CCDC178: variants seen among roughly 807,000 people sequenced by gnomAD.
CCDC178 encodes coiled-coil domain containing 178.
A neutral mutation model predicts 117.4 loss-of-function variants in CCDC178; 126 were observed. The ratio of observed to expected loss-of-function variants is 1.07; its 90% CI spans 0.93 to 1.24. The LOEUF is 1.24. Among genes scored for constraint, CCDC178 ranks in the 50% most tolerant of loss-of-function variants. CCDC178 has a pLI of 0.00. For missense variants in CCDC178, 1,030 were observed against 986.9 expected (o/e 1.04, Z -0.59); for synonymous variants, 283 against 313.4 (o/e 0.90, Z 1.02).
chr18:33,342,710 C>T (rs762936711), intron 9 of CCDC178, among the ~76,000 whole-genome samples: 7 of 152,152 alleles, frequency 4.6e-5, no homozygotes, highest in Admixed American at 6.5e-5. Context: ...ATTGGATCTG[C>T]GGCCTGAAGA....
intron 20 of CCDC178, among the ~76,000 whole-genome samples, chr18:33,132,113 TC>T (rs1347722265): frequency 1.3e-5 from 2 of 151,706 alleles, no homozygotes; most frequent in Non-Finnish European, 3.0e-5. Context: ...GTGTAAATGG[TC>T]TTTAATGGCT....
chr18:33,066,320 A>C (rs2057015899), intron 21 of CCDC178, among the ~76,000 whole-genome samples: 1 of 152,190 alleles, frequency 6.6e-6, no homozygotes, highest in African/African-American at 2.4e-5. Context: ...GGAAAGTATA[A>C]AACTCACTAC....
chr18:33,050,131 ATTAT>A (rs1352905738), intron 21 of CCDC178, among the ~76,000 whole-genome samples: 1 of 152,168 alleles, frequency 6.6e-6, no homozygotes, highest in Non-Finnish European at 1.5e-5. Flanking sequence ...CTAAGATCAC[ATTAT>A]TTATTTGTTT....
chr18:33,045,904 A>T (rs1371596607), intron 21 of CCDC178, among the ~76,000 whole-genome samples: 1 of 152,052 alleles, frequency 6.6e-6, no homozygotes, highest in African/African-American at 2.4e-5. Flanking sequence ...CTGTCTCTAA[A>T]AAAAACAAAA....
At chr18:33,080,001 A>C (rs141502305) in intron 21 of CCDC178, among the ~76,000 whole-genome samples, 3 of 152,218 alleles carry the variant, frequency 2.0e-5, no homozygotes, top group African/African-American at 7.2e-5. Flanking sequence ...CACTCTTCAC[A>C]ATAGCAAAGA....
rs149354696 is a variant in CCDC178, at chr18:33,036,538, A to C, written c.2388+56223T>G. ...AAAATGGTATTTGCACTGAGCCTCAAAGGATGACTAGGAGTATAGAAATCT... is the reference window on the plus strand; with the variant it reads ...AAAATGGTATTTGCACTGAGCCTCACAGGATGACTAGGAGTATAGAAATCT... On this transcript the variant is annotated intron_variant, in intron 21 of 22. Coordinates refer to ENST00000383096, the MANE Select transcript of CCDC178 (RefSeq NM_001105528.4). Among the ~76,000 whole-genome samples the C allele has an allele frequency of 2.8e-3, 425 of 152,014 alleles. 2 individuals carry two copies. The highest frequency in any genetic ancestry group is 9.7e-3 in the African/African-American group (402 of 41,522).
chr18:33,175,651 T>C (rs1008183418), intron 20 of CCDC178, among the ~76,000 whole-genome samples: 3 of 152,212 alleles, frequency 2.0e-5, no homozygotes, highest in African/African-American at 7.2e-5. Context: ...CTTGACTACC[T>C]ACAGTGATTA....
chr18:33,349,512 G>T (rs1252811624), intron 7 of CCDC178, among the ~76,000 whole-genome samples: 3 of 151,912 alleles, frequency 2.0e-5, no homozygotes, highest in Non-Finnish European at 4.4e-5. Flanking sequence ...GTAGTGTCTT[G>T]AGAGGTGACT....
chr18:33,215,015 G>T (rs1174439887), intron 19 of CCDC178, among the ~76,000 whole-genome samples: 8 of 151,862 alleles, frequency 5.3e-5, no homozygotes, highest in African/African-American at 1.9e-4. Context: ...TTAGGTTAGG[G>T]TCTATGGATA....
intron 6 of CCDC178, among the ~76,000 whole-genome samples, chr18:33,366,989 A>C (rs2063217060): frequency 6.6e-6 from 1 of 152,126 alleles, no homozygotes; most frequent in African/African-American, 2.4e-5. Flanking sequence ...TTGAGAAGAA[A>C]TATCCCTTTT....
At chr18:33,044,311 C>T (rs576280836) in intron 21 of CCDC178, among the ~76,000 whole-genome samples, 8 of 152,024 alleles carry the variant, frequency 5.3e-5, no homozygotes, top group South Asian at 2.1e-4. Context: ...GTTAAAATGA[C>T]GATACTGCCC....
At chr18:33,379,363 C>G (rs1262341213) in intron 5 of CCDC178, among the ~76,000 whole-genome samples, 1 of 151,944 alleles carries the variant, frequency 6.6e-6, no homozygotes, top group East Asian at 1.9e-4. Context: ...AACCTACAAG[C>G]CAATAGATGC....
At chr18:33,068,295 G>C (rs1324773372) in intron 21 of CCDC178, among the ~76,000 whole-genome samples, 1 of 152,108 alleles carries the variant, frequency 6.6e-6, no homozygotes, top group Non-Finnish European at 1.5e-5. Flanking sequence ...AAAATTAAGA[G>C]TTCATTCTTC....
At chr18:33,224,443 C>T (rs2059276335) in intron 17 of CCDC178, among the ~76,000 whole-genome samples, 1 of 152,154 alleles carries the variant, frequency 6.6e-6, no homozygotes, top group African/African-American at 2.4e-5. Flanking sequence ...ATTTTATATG[C>T]AAATGAGCAC....
At chr18:33,388,307 T>C (rs958175600) in intron 5 of CCDC178, among the ~76,000 whole-genome samples, 2 of 152,072 alleles carry the variant, frequency 1.3e-5, no homozygotes, top group African/African-American at 4.8e-5. Context: ...GTGTGGCAAT[T>C]CCTCAAAGAT....
chr18:33,374,413 G>A (rs1025153062), intron 5 of CCDC178, among the ~76,000 whole-genome samples: 2 of 152,138 alleles, frequency 1.3e-5, no homozygotes, highest in African/African-American at 4.8e-5. Flanking sequence ...TCAAGAAAAT[G>A]CACATTTAAC....
chr18:32,992,752 C>T (rs1366433063), intron 21 of CCDC178, among the ~76,000 whole-genome samples: 1 of 152,148 alleles, frequency 6.6e-6, no homozygotes, highest in Non-Finnish European at 1.5e-5. Context: ...TGTACACATA[C>T]ATCAAAGTAT....
At chr18:33,244,974 G>A (rs1393298974) in intron 15 of CCDC178, among the ~76,000 whole-genome samples, 3 of 151,878 alleles carry the variant, frequency 2.0e-5, no homozygotes, top group Non-Finnish European at 4.4e-5. Flanking sequence ...AAGATGAACT[G>A]AGCACCACAC....
At chr18:32,944,025 A>C (rs1244310925) in intron 22 of CCDC178, among the ~76,000 whole-genome samples, 3 of 152,192 alleles carry the variant, frequency 2.0e-5, no homozygotes. Flanking sequence ...TGTTCCCGGC[A>C]CAGTGGAAGA....
Sources: gnomAD v4.1 joint callset for allele counts (sites outside exome capture counted in the v4.1 genomes callset) on GRCh38, gnomAD v4.1.1 for gene constraint, MANE v1.5 for transcripts, NCBI Gene and HGNC (gene_info 2026-07-23, HGNC 2026-07-21) for gene names.